The following B4GALNT3 variants were observed in gnomAD, a reference collection of about 807,000 sequenced individuals.
B4GALNT3 encodes the protein beta-1,4-N-acetylgalactosaminyltransferase 3.
A neutral mutation model predicts 120.2 loss-of-function variants in B4GALNT3; 86 were observed. The observed-to-expected ratio is 0.72, with a 90% confidence interval of 0.60 to 0.86. The LOEUF is 0.86. B4GALNT3 is among the 40% of genes least tolerant of loss of function. The pLI is 0.00. For synonymous variants in B4GALNT3, 518 were observed against 510.4 expected, an observed-to-expected ratio of 1.01 and a Z score of -0.20; for missense variants, 1,167 against 1,298.9, an observed-to-expected ratio of 0.90 and a Z score of 1.56.
In B4GALNT3 at chr12:511,861, CTTCCACCTTCCACCTTCCACCTT is replaced by C. The variant is rs1229099694; in HGVS notation, c.170-23304_170-23282del. Among the ~76,000 whole-genome samples, 72 of 34,558 alleles carry C rather than the reference CTTCCACCTTCCACCTTCCACCTT, an allele frequency of 2.1e-3. 18 individuals carry two copies. The highest frequency in any genetic ancestry group is 0.01 in the African/African-American group (66 of 6,588). 22.7% of individuals were successfully genotyped at this position (34,558 alleles called of 152,430 possible). ...TCTTCCACCTTCCACCTTCCACCTT[CTTCCACCTTCCACCTTCCACCTT>C]CTTCCACCTTCCACCTTCCGCCTTC... On this transcript the variant is annotated intron_variant, in intron 1 of 19. Coordinates refer to ENST00000266383, the MANE Select transcript of B4GALNT3 (RefSeq NM_173593.4).
At chr12:499,330 G>A (rs1946417846) in intron 1 of B4GALNT3, among the ~76,000 whole-genome samples, 2 of 152,238 alleles carry the variant, frequency 1.3e-5, no homozygotes, top group South Asian at 2.1e-4. Flanking sequence ...GTGGTGCAAG[G>A]GGAGAGCCCG....
intron 1 of B4GALNT3, among the ~76,000 whole-genome samples, chr12:512,795 GCCTTCCA>G (rs1393306782): frequency 3.2e-5 from 2 of 63,104 alleles, no homozygotes; most frequent in African/African-American, 6.8e-5. Context: ...TCCACCTTCC[GCCTTCCA>G]CCTTCTTCCA....
intron 14 of B4GALNT3, among the ~76,000 whole-genome samples, chr12:555,859 A>G (rs907400414): frequency 6.6e-6 from 1 of 151,592 alleles, no homozygotes; most frequent in Non-Finnish European, 1.5e-5. Context: ...ATCTCGACTC[A>G]TGCAAGCTCC....
intron 1 of B4GALNT3, among the ~76,000 whole-genome samples, chr12:532,170 G>T (rs1946815214): frequency 6.6e-6 from 1 of 152,140 alleles, no homozygotes; most frequent in Non-Finnish European, 1.5e-5. Context: ...GGACTGCAAA[G>T]GAATTTTCCT....
chr12:533,784 G>A (rs1946830951), intron 1 of B4GALNT3, among the ~76,000 whole-genome samples: 1 of 152,206 alleles, frequency 6.6e-6, no homozygotes, highest in Non-Finnish European at 1.5e-5. Flanking sequence ...CCCACACAAA[G>A]CATAATCATG....
In B4GALNT3 at chr12:552,458, C is replaced by T. The variant is rs373822355; in HGVS notation, c.1209-9C>T. ...CGGGTGCCAATGCACACCTCCCTTC[C>T]TCCTGCAGGTTCAGCTTTCAGGAGT... On this transcript the variant is annotated splice_polypyrimidine_tract_variant and intron_variant, in intron 12 of 19. Coordinates refer to ENST00000266383, the MANE Select transcript of B4GALNT3 (RefSeq NM_173593.4). The T allele has an allele frequency of 4.1e-5, 66 of 1,613,486 alleles. No homozygotes were observed. The highest frequency in any genetic ancestry group is 4.2e-6 in the Non-Finnish European group (5 of 1,179,698).
At chr12:522,407 C>T (rs1020453095) in intron 1 of B4GALNT3, among the ~76,000 whole-genome samples, 2 of 152,130 alleles carry the variant, frequency 1.3e-5, no homozygotes, top group African/African-American at 2.4e-5. Flanking sequence ...AAGCCAGACA[C>T]AAAAGGAAAA....
At chr12:464,041 C>T (rs1226406162) in intron 1 of B4GALNT3, among the ~76,000 whole-genome samples, 2 of 152,146 alleles carry the variant, frequency 1.3e-5, no homozygotes, top group Non-Finnish European at 2.9e-5. Flanking sequence ...TGACGAGTCC[C>T]CTTGTTGAGC....
chr12:484,237 C>G (rs1330913134), intron 1 of B4GALNT3, among the ~76,000 whole-genome samples: 2 of 152,196 alleles, frequency 1.3e-5, no homozygotes, highest in African/African-American at 4.8e-5. Context: ...TCCGCCCTGC[C>G]TTCCCCGAGG....
At chr12:481,704 A>G (rs1303762390) in intron 1 of B4GALNT3, among the ~76,000 whole-genome samples, 1 of 152,166 alleles carries the variant, frequency 6.6e-6, no homozygotes, top group East Asian at 1.9e-4. Context: ...GGGCCCAGGC[A>G]GCTGGGCTGG....
chr12:555,856 C>T (rs1011468956), intron 14 of B4GALNT3, among the ~76,000 whole-genome samples: 2 of 151,940 alleles, frequency 1.3e-5, no homozygotes, highest in African/African-American at 4.8e-5. Context: ...GCGATCTCGA[C>T]TCATGCAAGC....
At position 556,408 on chromosome 12, in the gene B4GALNT3, G is replaced by A. The variant is rs1362118456; in HGVS notation, c.2061-139G>A. On this transcript the variant is annotated intron_variant, in intron 14 of 19. Coordinates refer to ENST00000266383, the MANE Select transcript of B4GALNT3 (RefSeq NM_173593.4). Reference sequence around the variant, plus strand: ...TAGAGAGATTGCGAATCTTGCCTGAGGCCCTATAGCCAGCCAGTGGCAAAG... The same window carrying A: ...TAGAGAGATTGCGAATCTTGCCTGAAGCCCTATAGCCAGCCAGTGGCAAAG... The A allele has an allele frequency of 6.1e-5, 46 of 748,266 alleles. No homozygotes were observed. In the Admixed American group the frequency reaches 1.2e-3, roughly 20 times the overall value. The allele number at this position is 748,266 out of a possible 1,614,324, so 46.4% of individuals were successfully genotyped here.
chr12:487,418 T>C (rs1193380326), intron 1 of B4GALNT3, among the ~76,000 whole-genome samples: 1 of 151,884 alleles, frequency 6.6e-6, no homozygotes, highest in Non-Finnish European at 1.5e-5. Flanking sequence ...AGTCAAAGAT[T>C]TAAAAAAAGT....
At chr12:545,222 A>G (rs1946978012) in intron 5 of B4GALNT3, 147 bp from the exon 6 acceptor site, 3 of 1,457,284 alleles carry the variant, frequency 2.1e-6, no homozygotes, top group Non-Finnish European at 2.7e-6. Flanking sequence ...ACTGTCTCCC[A>G]GGATGTAGAA....
rs1480593788 is a variant in B4GALNT3 at position 525,088 on chromosome 12, T to TTATTTATTTATTTATTTATG, written c.170-10059_170-10058insGTATTTATTTATTTATTTAT. On this transcript the variant is annotated intron_variant, in intron 1 of 19. Transcript: ENST00000266383. ...TAGCCTCTTCATAAATAACACAATT[T>TTATTTATTTATTTATTTATG]TATTTATTTATTTATTTATTTATTT... Among the ~76,000 whole-genome samples the TTATTTATTTATTTATTTATG allele has an allele frequency of 1.6e-3, 244 of 148,830 alleles. 1 individual carries two copies. The highest frequency in any genetic ancestry group is 2.9e-3 in the Non-Finnish European group (193 of 67,430).
intron 3 of B4GALNT3, among the ~76,000 whole-genome samples, chr12:540,947 G>T (rs1182921486): frequency 6.6e-6 from 1 of 152,154 alleles, no homozygotes; most frequent in Non-Finnish European, 1.5e-5. Flanking sequence ...GTTTCACCAT[G>T]TTAGCCAGGA....
At chr12:463,775 C>T (rs765603202) in intron 1 of B4GALNT3, among the ~76,000 whole-genome samples, 4 of 152,106 alleles carry the variant, frequency 2.6e-5, no homozygotes, top group South Asian at 2.1e-4. Flanking sequence ...GAAAGAGTTA[C>T]GTCAACAAAG....
At chr12:540,744 T>A (rs1286892825) in intron 3 of B4GALNT3, among the ~76,000 whole-genome samples, 1 of 152,158 alleles carries the variant, frequency 6.6e-6, no homozygotes, top group East Asian at 1.9e-4. Flanking sequence ...TTCTTCTTTT[T>A]TTCTTTTCTT....
chr12:522,929 G>T, intron 1 of B4GALNT3, among the ~76,000 whole-genome samples: 2 of 128,332 alleles, frequency 1.6e-5, no homozygotes, highest in Admixed American at 8.9e-5. Context: ...GGTGACAGAG[G>T]GAGACTCTGT....
Sources: gnomAD v4.1 joint callset for allele counts (sites outside exome capture counted in the v4.1 genomes callset) on GRCh38, gnomAD v4.1.1 for gene constraint, MANE v1.5 for transcripts, NCBI Gene and HGNC (gene_info 2026-07-23, HGNC 2026-07-21) for gene names.